The following FOS variants were observed in gnomAD, a reference collection of about 807,000 sequenced individuals.
FOS encodes the protein protein c-Fos.
FOS carries 9 observed loss-of-function variants against 27.2 expected under a neutral mutation model. That is an observed-to-expected ratio of 0.33 (90% confidence interval 0.20 to 0.58). The LOEUF (loss-of-function observed/expected upper bound fraction) is 0.58, where lower values mean the gene tolerates loss of function less well. Among genes scored for constraint, FOS ranks in the 20% least tolerant of loss-of-function variants. FOS has a pLI of 0.87. For synonymous variants in FOS, 213 were observed against 205.1 expected (o/e 1.04, Z -0.33); for missense variants, 405 against 483.5 (o/e 0.84, Z 1.52).
At chr14:75,280,463 C>A (rs1897214767) in intron 2 of FOS, 97 bp from the exon 3 acceptor site, 1 of 946,390 alleles carries the variant, frequency 1.1e-6, no homozygotes, top group Non-Finnish European at 1.6e-6. Context: ...TGCCAGGAAG[C>A]AGGGAAGCTG....
Position 75,279,110 on chromosome 14 carries a change from C to T in FOS, c.128C>T (p.Pro43Leu). The T allele has an allele frequency of 6.2e-7, 1 of 1,613,400 alleles. No individual in the cohort carries two copies. The highest frequency in any genetic ancestry group is 8.5e-7 in the Non-Finnish European group (1 of 1,179,932). ...PADSFSSMGS[P>L]VNAQDFCTDL... is the part of the protein sequence containing the mutation. ...GACTCCTTCTCCAGCATGGGCTCGC[C>T]TGTCAACGCGCAGGTAAGGCTGGCT... Residue 43 changes from proline to leucine, a missense_variant, in exon 1 of 4, where the codon CCT (proline) becomes CTT (leucine). By Grantham distance (98) the Pro-to-Leu change is moderately conservative. Transcript: ENST00000303562. The surrounding 1 kb of genome is among the most constrained non-coding windows in gnomAD (Gnocchi z 5.4).
chr14:75,280,480 C>A, intron 2 of FOS, 80 bp from the exon 3 acceptor site: 1 of 1,131,996 alleles, frequency 8.8e-7, no homozygotes, highest in Non-Finnish European at 1.3e-6. Flanking sequence ...GCTGCAGGAG[C>A]CAGTTCTACT....
chr14:75,279,164 G>T lies in FOS; in HGVS notation c.141+41G>T. On this transcript the variant is annotated intron_variant, in intron 1 of 3. Coordinates refer to ENST00000303562, the MANE Select transcript of FOS (RefSeq NM_005252.4). This position sits in a 1 kb window ranked among gnomAD's most constrained non-coding sequence, Gnocchi z 5.4. ...CGTCGCCGCGGGGCCGGGGGCTTGG[G>T]GTCGCGGAGGAGGAGACACCGGGCG... The T allele has an allele frequency of 6.2e-7, 1 of 1,607,826 alleles. No homozygotes were observed. The highest frequency in any genetic ancestry group is 8.5e-7 in the Non-Finnish European group (1 of 1,179,556).
rs1301296318 is a variant in FOS, at chr14:75,278,882, G to A, written c.-101G>A. 3.5e-6 allele frequency: 5 copies of A among 1,432,744 alleles called. No homozygotes were observed. Among genetic ancestry groups the A allele is most frequent in the Admixed American group, 4.2e-5 (2 of 47,266 alleles). The allele number at this position is 1,432,744 out of a possible 1,614,324, so 88.8% of individuals were successfully genotyped here. A position where few individuals can be genotyped will look rare whatever the true frequency, so the allele number is the denominator to read the frequency against. ...CCAAGACTGAGCCGGCGGCCGCGGC[G>A]CAGCGAACGAGCAGTGACCGTGCTC... is the stretch of plus-strand genomic sequence containing the variant. On this transcript the variant is annotated 5_prime_UTR_variant, in exon 1 of 4. Transcript: ENST00000303562. The surrounding 1 kb of genome is among the most constrained non-coding windows in gnomAD (Gnocchi z 4.1).
Position 75,281,550 on chromosome 14 carries a change from G to A in FOS, c.*126G>A, listed in dbSNP as rs546647354. ...GACCTAGGGAGGACCTTATCTGTGC[G>A]TGAAACACACCAGGCTGTGGGCCTC... is the stretch of plus-strand genomic sequence containing the variant. On this transcript the variant is annotated 3_prime_UTR_variant, in exon 4 of 4. Coordinates refer to ENST00000303562, the MANE Select transcript of FOS (RefSeq NM_005252.4). The surrounding 1 kb of genome is among the most constrained non-coding windows in gnomAD (Gnocchi z 4.7). 7 of 1,029,242 alleles carry A rather than the reference G, an allele frequency of 6.8e-6. No homozygotes were observed. The highest frequency in any genetic ancestry group is 8.3e-6 in the Non-Finnish European group (6 of 722,170). 63.8% of individuals were successfully genotyped at this position (1,029,242 alleles called of 1,614,324 possible).
chr14:75,281,655 G>A lies in FOS; in HGVS notation c.*231G>A, dbSNP rs1897231789. ...TAGCAAAACGCATGGAGTGTGTATT[G>A]TTCCCAGTGACACTTCAGAGAGCTG... On this transcript the variant is annotated 3_prime_UTR_variant, in exon 4 of 4. Transcript: ENST00000303562. This position sits in a 1 kb window ranked among gnomAD's most constrained non-coding sequence, Gnocchi z 4.7. The A allele has an allele frequency of 3.5e-6, 2 of 564,588 alleles. No homozygotes were observed. Among genetic ancestry groups the A allele is most frequent in the Non-Finnish European group, 6.3e-6 (2 of 315,820 alleles). 35.0% of individuals were successfully genotyped at this position (564,588 alleles called of 1,614,324 possible).
chr14:75,280,426 C>A, intron 2 of FOS, 134 bp from the exon 3 acceptor site: 1 of 734,336 alleles, frequency 1.4e-6, no homozygotes. Context: ...TCTGCAACTG[C>A]AGGTCAGAAA....
In FOS at chr14:75,278,910, A is replaced by C. The variant is rs1423582911; in HGVS notation, c.-73A>C. 1 of 1,581,980 alleles carries C rather than the reference A, an allele frequency of 6.3e-7. No homozygotes were observed. Among genetic ancestry groups the C allele is most frequent in the African/African-American group, 1.3e-5 (1 of 74,292 alleles). ...GCGAACGAGCAGTGACCGTGCTCCTACCCAGCTCTGCTCCACAGCGCCCAC... is the reference window on the plus strand; with the variant it reads ...GCGAACGAGCAGTGACCGTGCTCCTCCCCAGCTCTGCTCCACAGCGCCCAC... On this transcript the variant is annotated 5_prime_UTR_variant, in exon 1 of 4. Coordinates refer to ENST00000303562, the MANE Select transcript of FOS (RefSeq NM_005252.4). The surrounding 1 kb of genome is among the most constrained non-coding windows in gnomAD (Gnocchi z 4.1).
rs1221489238 is a variant in FOS, at chr14:75,281,418, C to G, written c.1137C>G (p.Ala379=). Residue 379 remains alanine (A), a synonymous_variant, in exon 4 of 4, where the codon GCC becomes GCG. Transcript: ENST00000303562. The surrounding 1 kb of genome is among the most constrained non-coding windows in gnomAD (Gnocchi z 4.7). ...SDSLSSPTLL[A]L is the part of the protein sequence containing the mutation. ...CGCTCAGCTCACCCACGCTGCTGGCCCTGTGAGGGGGCAGGGAAGGGGAGG... is the reference window on the plus strand; with the variant it reads ...CGCTCAGCTCACCCACGCTGCTGGCGCTGTGAGGGGGCAGGGAAGGGGAGG... 1 of 1,610,120 alleles carries G rather than the reference C, an allele frequency of 6.2e-7. No homozygotes were observed. Among genetic ancestry groups the G allele is most frequent in the Admixed American group, 1.7e-5 (1 of 59,964 alleles).
At position 75,278,948 on chromosome 14, in the gene FOS, C is replaced by A; in HGVS notation, c.-35C>A. On this transcript the variant is annotated 5_prime_UTR_variant, in exon 1 of 4. Coordinates refer to ENST00000303562, the MANE Select transcript of FOS (RefSeq NM_005252.4). The surrounding 1 kb of genome is among the most constrained non-coding windows in gnomAD (Gnocchi z 4.1). The stretch of plus-strand genomic sequence containing the variant: ...CCACAGCGCCCACCTGTCTCCGCCC[C>A]TCGGCCCCTCGCCCGGCTTTGCCTA... The A allele has an allele frequency of 6.2e-7, 1 of 1,612,088 alleles. No homozygotes were observed. Among genetic ancestry groups the A allele is most frequent in the South Asian group, 1.1e-5 (1 of 90,946 alleles).
In FOS at chr14:75,282,066, T is replaced by A. The variant is rs1340912653; in HGVS notation, c.*642T>A. On this transcript the variant is annotated 3_prime_UTR_variant, in exon 4 of 4. Transcript: ENST00000303562. ...CCATGAAAACGTTTTATTGTGTTTT[T>A]AATTTATTTATTAAGATGGATTCTC... is the stretch of plus-strand genomic sequence containing the variant. 6.5e-6 allele frequency: 1 copy of A among 152,684 alleles called. No homozygotes were observed. The highest frequency in any genetic ancestry group is 1.5e-5 in the Non-Finnish European group (1 of 68,048). 9.5% of individuals were successfully genotyped at this position (152,684 alleles called of 1,614,324 possible). A position where few individuals can be genotyped will look rare whatever the true frequency, so the allele number is the denominator to read the frequency against.
Position 75,281,215 on chromosome 14 carries a change from G to A in FOS, c.934G>A (p.Gly312Arg), listed in dbSNP as rs1249864365. ...DWEPLHSGSL[G>R]MGPMATELEP... ...GGAGCCTCTGCACAGTGGCTCCCTGGGGATGGGGCCCATGGCCACAGAGCT... is the reference window on the plus strand; with the variant it reads ...GGAGCCTCTGCACAGTGGCTCCCTGAGGATGGGGCCCATGGCCACAGAGCT... Residue 312 changes from glycine to arginine, a missense_variant, in exon 4 of 4, where the codon GGG becomes AGG. Transcript: ENST00000303562. The surrounding 1 kb of genome is among the most constrained non-coding windows in gnomAD (Gnocchi z 4.7). The A allele has an allele frequency of 6.2e-7, 1 of 1,612,690 alleles. No homozygotes were observed. Among genetic ancestry groups the A allele is most frequent in the Admixed American group, 1.7e-5 (1 of 60,022 alleles).
chr14:75,279,592 C>T lies in FOS; in HGVS notation c.142-285C>T. 1 of 497,022 alleles carries T rather than the reference C, an allele frequency of 2.0e-6. No homozygotes were observed. The highest frequency in any genetic ancestry group is 3.6e-6 in the Non-Finnish European group (1 of 280,490). 30.8% of individuals were successfully genotyped at this position (497,022 alleles called of 1,614,324 possible). On this transcript the variant is annotated intron_variant, in intron 1 of 3. Coordinates refer to ENST00000303562, the MANE Select transcript of FOS (RefSeq NM_005252.4). This position sits in a 1 kb window ranked among gnomAD's most constrained non-coding sequence, Gnocchi z 5.4. ...TCTGGAGACTCCGGAGCGGCGCCTG[C>T]GTCAGCGCAGACGTCAGGGATATTT...
At position 75,279,538 on chromosome 14, in the gene FOS, G is replaced by A. The variant is rs1402914772; in HGVS notation, c.142-339G>A. On this transcript the variant is annotated intron_variant, in intron 1 of 3. Transcript: ENST00000303562. This position sits in a 1 kb window ranked among gnomAD's most constrained non-coding sequence, Gnocchi z 5.4. Reference sequence around the variant, plus strand: ...AGGGTGCAGCGGGCGGGTGTGTAAGGCAGTTTCATTGATAAAAAGCGAGTT... The same window carrying A: ...AGGGTGCAGCGGGCGGGTGTGTAAGACAGTTTCATTGATAAAAAGCGAGTT... 1 of 445,098 alleles carries A rather than the reference G, an allele frequency of 2.2e-6. No homozygotes were observed. Among genetic ancestry groups the A allele is most frequent in the Non-Finnish European group, 4.0e-6 (1 of 247,842 alleles). 27.6% of individuals were successfully genotyped at this position (445,098 alleles called of 1,614,324 possible).
Position 75,281,181 on chromosome 14 carries a change from A to G in FOS, c.900A>G (p.Ala300=). Residue 300 remains alanine, a synonymous_variant, in exon 4 of 4, where the codon GCA becomes GCG. Coordinates refer to ENST00000303562, the MANE Select transcript of FOS (RefSeq NM_005252.4). This position sits in a 1 kb window ranked among gnomAD's most constrained non-coding sequence, Gnocchi z 4.7. ...TGGACCTATCTGGGTCCTTCTATGC[A>G]GCAGACTGGGAGCCTCTGCACAGTG... ...PDMDLSGSFY[A]ADWEPLHSGS... The G allele has an allele frequency of 1.2e-6, 2 of 1,612,178 alleles. No homozygotes were observed. The highest frequency in any genetic ancestry group is 1.7e-6 in the Non-Finnish European group (2 of 1,180,016).
rs2139938781 is a variant in FOS at position 75,281,967 on chromosome 14, A to C, written c.*543A>C. On this transcript the variant is annotated 3_prime_UTR_variant, in exon 4 of 4. Transcript: ENST00000303562. This position sits in a 1 kb window ranked among gnomAD's most constrained non-coding sequence, Gnocchi z 4.7. ...ATCCATGTACTGTAGTTTTTCTTCA[A>C]CATCAATGTTCATTGTAATGTTACT... The C allele has an allele frequency of 6.4e-6, 1 of 155,324 alleles. No homozygotes were observed. The highest frequency in any genetic ancestry group is 1.9e-4 in the South Asian group (1 of 5,230). The allele number at this position is 155,324 out of a possible 1,614,324, so 9.6% of individuals were successfully genotyped here. A position where few individuals can be genotyped will look rare whatever the true frequency, so the allele number is the denominator to read the frequency against.
At position 75,279,124 on chromosome 14, in the gene FOS, G is replaced by A; in HGVS notation, c.141+1G>A. ...CATGGGCTCGCCTGTCAACGCGCAG[G>A]TAAGGCTGGCTTCCCGTCGCCGCGG... On this transcript the variant is annotated splice_donor_variant, in intron 1 of 3. Transcript: ENST00000303562. LOFTEE classifies it high-confidence loss of function. The surrounding 1 kb of genome is among the most constrained non-coding windows in gnomAD (Gnocchi z 5.4). The A allele has an allele frequency of 6.2e-7, 1 of 1,612,932 alleles. No individual in the cohort carries two copies. The highest frequency in any genetic ancestry group is 8.5e-7 in the Non-Finnish European group (1 of 1,179,874).
rs4645854 is a variant in FOS at position 75,279,441 on chromosome 14, C to T, written c.141+318C>T. ...ACTCGCTAACTAGAGCCTGGCTTCT[C>T]CGGGGAGGTGGCAGAAAGCGGCAAT... is the stretch of plus-strand genomic sequence containing the variant. On this transcript the variant is annotated intron_variant, in intron 1 of 3. Transcript: ENST00000303562. The surrounding 1 kb of genome is among the most constrained non-coding windows in gnomAD (Gnocchi z 5.4). 0.14 allele frequency: 63,935 copies of T among 456,218 alleles called. 5,400 individuals are homozygous for T. The highest frequency in any genetic ancestry group is 0.25 in the East Asian group (5,463 of 22,282). 28.3% of individuals were successfully genotyped at this position (456,218 alleles called of 1,614,324 possible). A position where few individuals can be genotyped will look rare whatever the true frequency, so the allele number is the denominator to read the frequency against.
In FOS at chr14:75,279,294, C is replaced by A; in HGVS notation, c.141+171C>A. ...GCTCGGGACTTGCTCTGAGCGCACG[C>A]ACGCTTGCCATAGTAAGAATTGGTT... On this transcript the variant is annotated intron_variant, in intron 1 of 3. Coordinates refer to ENST00000303562, the MANE Select transcript of FOS (RefSeq NM_005252.4). This position sits in a 1 kb window ranked among gnomAD's most constrained non-coding sequence, Gnocchi z 5.4. The A allele has an allele frequency of 2.4e-6, 2 of 820,806 alleles. No homozygotes were observed. The highest frequency in any genetic ancestry group is 3.8e-6 in the Non-Finnish European group (2 of 525,348). 50.8% of individuals were successfully genotyped at this position (820,806 alleles called of 1,614,324 possible).
Sources: allele counts gnomAD v4.1 joint callset, GRCh38; gene constraint gnomAD v4.1.1; non-coding constraint Gnocchi (gnomAD v3.1); transcripts MANE v1.5; gene names NCBI Gene and HGNC (gene_info 2026-07-23, HGNC 2026-07-21).